Variants in C8orf34 observed in about 807,000 individuals in gnomAD.
C8orf34 encodes the protein chromosome 8 open reading frame 34, also known as uncharacterized protein C8orf34.
A neutral mutation model predicts 68.3 loss-of-function variants in C8orf34; 65 were observed. The ratio of observed to expected loss-of-function variants is 0.95; its 90% CI spans 0.78 to 1.17. The LOEUF (loss-of-function observed/expected upper bound fraction) is 1.17. Among genes scored for constraint, C8orf34 ranks in the 50% most tolerant of loss-of-function variants. The pLI is 0.00. For synonymous variants in C8orf34, 244 were observed against 241.2 expected (o/e 1.01, Z -0.11); for missense variants, 664 against 655.4 (o/e 1.01, Z -0.14).
At chr8:68,487,930 C>T in intron 4 of C8orf34, 93 bp from the exon 5 acceptor site, 1 of 768,110 alleles carries the variant, frequency 1.3e-6, no homozygotes, top group Non-Finnish European at 2.2e-6. Context: ...ATAGGAAATG[C>T]ACTACTTTTA....
intron 1 of C8orf34, among the ~76,000 whole-genome samples, chr8:68,378,193 A>G (rs1807886368): frequency 6.6e-6 from 1 of 152,204 alleles, no homozygotes; most frequent in South Asian, 2.1e-4. Flanking sequence ...ATGTATATTG[A>G]AAACCCCATT....
intron 12 of C8orf34, among the ~76,000 whole-genome samples, chr8:68,787,948 C>T (rs1045802916): frequency 4.1e-4 from 62 of 152,272 alleles, no homozygotes; most frequent in African/African-American, 1.5e-3. Flanking sequence ...TATGTAGACA[C>T]TGTTCTAAGT....
At chr8:68,741,393 G>A (rs1040723600) in intron 10 of C8orf34, among the ~76,000 whole-genome samples, 1 of 152,090 alleles carries the variant, frequency 6.6e-6, no homozygotes, top group South Asian at 2.1e-4. Flanking sequence ...TCATATGGGT[G>A]TGCACTGCAT....
At chr8:68,596,248 G>A (rs899327207) in intron 7 of C8orf34, among the ~76,000 whole-genome samples, 8 of 152,010 alleles carry the variant, frequency 5.3e-5, no homozygotes, top group East Asian at 1.9e-4. Context: ...AACCTCTGGC[G>A]GAGTAATGTG....
At chr8:68,398,393 T>G (rs1031990492) in intron 1 of C8orf34, among the ~76,000 whole-genome samples, 5 of 152,156 alleles carry the variant, frequency 3.3e-5, no homozygotes, top group African/African-American at 1.2e-4. Context: ...GCTCATAGGT[T>G]GATTTACATA....
At chr8:68,732,196 AC>A (rs1177796420) in intron 10 of C8orf34, among the ~76,000 whole-genome samples, 1 of 152,240 alleles carries the variant, frequency 6.6e-6, no homozygotes, top group African/African-American at 2.4e-5. Flanking sequence ...AGTTCTTAAT[AC>A]ATTCCAGAGG....
intron 10 of C8orf34, among the ~76,000 whole-genome samples, chr8:68,748,650 T>C (rs1333693321): frequency 2.0e-5 from 3 of 152,132 alleles, no homozygotes; most frequent in Non-Finnish European, 4.4e-5. Flanking sequence ...TCACCATCAC[T>C]GGCCATCAGA....
At chr8:68,354,741 A>C (rs1366834826) in intron 1 of C8orf34, among the ~76,000 whole-genome samples, 1 of 152,148 alleles carries the variant, frequency 6.6e-6, no homozygotes, top group African/African-American at 2.4e-5. Context: ...ATCTGCGGAC[A>C]AAAGATATTT....
intron 12 of C8orf34, among the ~76,000 whole-genome samples, chr8:68,803,369 A>G (rs1563678678): frequency 6.6e-6 from 1 of 152,148 alleles, no homozygotes; most frequent in Non-Finnish European, 1.5e-5. Context: ...TAATCAGGAA[A>G]TTAGCCACAC....
At chr8:68,444,185 G>T (rs764116754) in intron 2 of C8orf34, among the ~76,000 whole-genome samples, 3 of 152,026 alleles carry the variant, frequency 2.0e-5, no homozygotes, top group Non-Finnish European at 4.4e-5. Flanking sequence ...GGCTTTGAAT[G>T]CAAATTTAAA....
At chr8:68,541,125 G>T (rs569143994) in intron 7 of C8orf34, among the ~76,000 whole-genome samples, 3 of 152,188 alleles carry the variant, frequency 2.0e-5, no homozygotes. Context: ...TCGTGAGGAT[G>T]AAGTAAAATC....
intron 10 of C8orf34, among the ~76,000 whole-genome samples, chr8:68,733,423 C>T (rs990792545): frequency 3.3e-5 from 5 of 152,162 alleles, no homozygotes; most frequent in African/African-American, 1.2e-4. Flanking sequence ...AGTTAGCCTC[C>T]ATTAACATAT....
At position 68,794,470 on chromosome 8, in the gene C8orf34, TATATAA is replaced by T. The variant is rs1482366730; in HGVS notation, c.1549+6946_1549+6951del. On this transcript the variant is annotated intron_variant, in intron 12 of 13. Coordinates refer to ENST00000518698, the MANE Select transcript of C8orf34 (RefSeq NM_052958.4). ...TACTGGCATGAATCATTGTGCCCAG[TATATAA>T]ATATAAATATATATATATATATATA... Among the ~76,000 whole-genome samples the T allele has an allele frequency of 3.1e-3, 358 of 114,882 alleles. 1 individual carries two copies. The highest frequency in any genetic ancestry group is 8.5e-3 in the Middle Eastern group (2 of 234). The allele number at this position is 114,882 out of a possible 152,430, so 75.4% of individuals were successfully genotyped here.
At chr8:68,594,637 T>C (rs1817489562) in intron 7 of C8orf34, among the ~76,000 whole-genome samples, 1 of 152,140 alleles carries the variant, frequency 6.6e-6, no homozygotes, top group Admixed American at 6.5e-5. Flanking sequence ...TATATCTTCA[T>C]GGTTCATCAG....
chr8:68,734,811 T>C (rs1822078894), intron 10 of C8orf34, among the ~76,000 whole-genome samples: 1 of 152,152 alleles, frequency 6.6e-6, no homozygotes, highest in African/African-American at 2.4e-5. Flanking sequence ...ATCTGGCGGG[T>C]AGTGGGATAC....
chr8:68,517,375 A>AT lies in C8orf34; in HGVS notation c.766-4418dup, dbSNP rs1814565198. On this transcript the variant is annotated intron_variant, in intron 5 of 13. Coordinates refer to ENST00000518698, the MANE Select transcript of C8orf34 (RefSeq NM_052958.4). ...AAAGGAGAAAGTGCTCTTTGCTTCCATTTTTTCATCAACACTAGAATGGGA... is the reference window on the plus strand; with the variant it reads ...AAAGGAGAAAGTGCTCTTTGCTTCCATTTTTTTCATCAACACTAGAATGGGA... Among the ~76,000 whole-genome samples, 6 of 152,146 alleles carry AT rather than the reference A, an allele frequency of 3.9e-5. 1 individual carries two copies. The highest frequency in any genetic ancestry group is 3.9e-4 in the Admixed American group (6 of 15,270).
At chr8:68,356,741 A>G (rs553755971) in intron 1 of C8orf34, among the ~76,000 whole-genome samples, 1 of 152,252 alleles carries the variant, frequency 6.6e-6, no homozygotes, top group African/African-American at 2.4e-5. Context: ...ATAAATTACT[A>G]AAATTATGTA....
chr8:68,524,002 C>T (rs1479542394), intron 6 of C8orf34, among the ~76,000 whole-genome samples: 1 of 152,196 alleles, frequency 6.6e-6, no homozygotes, highest in African/African-American at 2.4e-5. Context: ...GACAAAGGCA[C>T]AGGCTGACGC....
rs533540431 is a variant in C8orf34, at chr8:68,460,659, G to A, written c.608-8033G>A. On this transcript the variant is annotated intron_variant, in intron 3 of 13. Transcript: ENST00000518698. ...TGAAAATCCGCTGTTCTACAGCCAC[G>A]ACTGCTGATACCCAGGCAAACAGGG... is the stretch of plus-strand genomic sequence containing the variant. Among the ~76,000 whole-genome samples the A allele has an allele frequency of 1.6e-3, 242 of 152,216 alleles. 2 individuals are homozygous for A. Among genetic ancestry groups the A allele is most frequent in the South Asian group, 0.012 (59 of 4,814 alleles).
Sources: allele counts gnomAD v4.1 joint callset (sites outside exome capture counted in the v4.1 genomes callset), GRCh38; gene constraint gnomAD v4.1.1; transcripts MANE v1.5; gene names NCBI Gene and HGNC (gene_info 2026-07-23, HGNC 2026-07-21).